The following NLGN1 variants were observed in gnomAD, a reference collection of about 807,000 sequenced individuals.
NLGN1 encodes neuroligin 1, also known as neuroligin-1.
A neutral mutation model predicts 65.5 loss-of-function variants in NLGN1; 12 were observed. The ratio of observed to expected loss-of-function variants is 0.18; its 90% CI spans 0.12 to 0.30. NLGN1 has a LOEUF of 0.30. Among genes scored for constraint, NLGN1 ranks in the 10% least tolerant of loss-of-function variants. The pLI is 1.00. For missense variants in NLGN1, 750 were observed against 1,007.1 expected, an observed-to-expected ratio of 0.74 and a Z score of 3.46; for synonymous variants, 350 against 359.5, an observed-to-expected ratio of 0.97 and a Z score of 0.30.
chr3:173,491,706 A>G (rs375375853), intron 2 of NLGN1, among the ~76,000 whole-genome samples: 1 of 151,708 alleles, frequency 6.6e-6, no homozygotes, highest in Non-Finnish European at 1.5e-5. Flanking sequence ...TATCCGCCAT[A>G]CATTTATGAC....
chr3:174,183,395 A>C (rs1730807420), intron 4 of NLGN1, among the ~76,000 whole-genome samples: 1 of 152,254 alleles, frequency 6.6e-6, no homozygotes, highest in South Asian at 2.1e-4. Flanking sequence ...CCTTCTACCC[A>C]TATTCAAGAT....
chr3:173,520,703 A>G (rs1485843828), intron 2 of NLGN1, among the ~76,000 whole-genome samples: 1 of 152,232 alleles, frequency 6.6e-6, no homozygotes, highest in African/African-American at 2.4e-5. Context: ...GGAGACTAAA[A>G]ACTTAGTTTT....
chr3:174,039,346 G>T (rs977364569), intron 4 of NLGN1, among the ~76,000 whole-genome samples: 1 of 151,968 alleles, frequency 6.6e-6, no homozygotes, highest in African/African-American at 2.4e-5. Context: ...ATGGTGGTTT[G>T]CTGCACCTCT....
chr3:173,910,484 A>G (rs1380971098), intron 4 of NLGN1: 1 of 152,180 alleles, frequency 6.6e-6, no homozygotes, highest in African/African-American at 2.4e-5. Context: ...ATTTTGCTTT[A>G]CAGTGATTCT....
intron 2 of NLGN1, among the ~76,000 whole-genome samples, chr3:173,461,681 T>TG (rs1390806294): frequency 6.8e-6 from 1 of 146,822 alleles, no homozygotes; most frequent in African/African-American, 2.5e-5. Context: ...TATTGAATCA[T>TG]GTCCGGTTAC....
chr3:174,147,360 A>G (rs868657748), intron 4 of NLGN1, among the ~76,000 whole-genome samples: 60 of 144,352 alleles, frequency 4.2e-4, no homozygotes, highest in Admixed American at 1.4e-3. Context: ...CATTGTTGCC[A>G]GTGCTTCTGA....
rs568960310 is a variant in NLGN1, at chr3:173,484,830, G to C, written c.-321+49752G>C. Among the ~76,000 whole-genome samples, 85 of 152,242 alleles carry C rather than the reference G, an allele frequency of 5.6e-4. 2 individuals are homozygous for C. Among genetic ancestry groups the C allele is most frequent in the Non-Finnish European group, 5.6e-4 (38 of 68,016 alleles). On this transcript the variant is annotated intron_variant, in intron 2 of 6. Coordinates refer to ENST00000457714, the Ensembl canonical transcript of NLGN1. Reference sequence around the variant, plus strand: ...GGAACAGTGATAGTGATAGAGGAGTGACATGTGATGCTTTTGTTTCTTAGG... The same window carrying C: ...GGAACAGTGATAGTGATAGAGGAGTCACATGTGATGCTTTTGTTTCTTAGG...
chr3:173,710,422 G>A (rs1222801652), intron 3 of NLGN1, among the ~76,000 whole-genome samples: 1 of 152,060 alleles, frequency 6.6e-6, no homozygotes, highest in Non-Finnish European at 1.5e-5. Flanking sequence ...GTCTTGCATA[G>A]TCTAATTTTT....
intron 4 of NLGN1, among the ~76,000 whole-genome samples, chr3:173,927,602 G>A (rs1339324631): frequency 1.3e-5 from 2 of 152,186 alleles, no homozygotes; most frequent in East Asian, 3.9e-4. Flanking sequence ...AAGATGGGGA[G>A]TAAAGTTAGA....
chr3:173,891,147 A>C (rs1735254796), intron 4 of NLGN1, among the ~76,000 whole-genome samples: 1 of 152,216 alleles, frequency 6.6e-6, no homozygotes, highest in Non-Finnish European at 1.5e-5. Context: ...TACAACATAG[A>C]GATGTCATAC....
chr3:174,187,207 G>A (rs1292102001), intron 4 of NLGN1, among the ~76,000 whole-genome samples: 1 of 151,714 alleles, frequency 6.6e-6, no homozygotes, highest in East Asian at 1.9e-4. Context: ...CTCAGATATG[G>A]GGGTCCTACT....
At chr3:174,223,637 A>G (rs555965762) in intron 4 of NLGN1, among the ~76,000 whole-genome samples, 4 of 152,220 alleles carry the variant, frequency 2.6e-5, no homozygotes, top group Non-Finnish European at 4.4e-5. Context: ...TCCTAGATCC[A>G]GAATAACAAC....
At chr3:173,572,282 G>A (rs575560817) in intron 2 of NLGN1, among the ~76,000 whole-genome samples, 17 of 152,284 alleles carry the variant, frequency 1.1e-4, no homozygotes, top group African/African-American at 3.9e-4. Context: ...CCCTCCCAAG[G>A]GATCCAAGGG....
At chr3:173,539,760 C>T (rs376281840) in intron 2 of NLGN1, among the ~76,000 whole-genome samples, 6 of 72,996 alleles carry the variant, frequency 8.2e-5, no homozygotes, top group South Asian at 8.4e-4. Flanking sequence ...ATAACATATA[C>T]ATGTACATAT....
At chr3:173,641,027 G>A (rs528368060) in intron 3 of NLGN1, among the ~76,000 whole-genome samples, 1 of 152,050 alleles carries the variant, frequency 6.6e-6, no homozygotes, top group African/African-American at 2.4e-5. Context: ...TCAAACTATG[G>A]AGTGATATTT....
At chr3:173,493,554 C>G (rs1729519008) in intron 2 of NLGN1, among the ~76,000 whole-genome samples, 1 of 151,644 alleles carries the variant, frequency 6.6e-6, no homozygotes, top group Non-Finnish European at 1.5e-5. Context: ...TAGTGTTTAC[C>G]ATGTGCTGGG....
chr3:173,556,103 A>G lies in NLGN1; in HGVS notation c.-320-48176A>G, dbSNP rs376405699. ...TCACCTAACGTCCCTACTATTTACA[A>G]ATTTTATTTCTATGATCTAAAAGAT... On this transcript the variant is annotated intron_variant, in intron 2 of 6. Transcript: ENST00000457714. 1.1e-4 allele frequency among the ~76,000 whole-genome samples: 17 copies of G among 152,234 alleles called. 1 individual carries two copies. Among genetic ancestry groups the G allele is most frequent in the Admixed American group, 2.0e-4 (3 of 15,286 alleles).
intron 4 of NLGN1, among the ~76,000 whole-genome samples, chr3:173,998,890 T>A (rs1168766026): frequency 2.0e-5 from 3 of 152,188 alleles, no homozygotes; most frequent in Admixed American, 2.0e-4. Context: ...TGCCATCACT[T>A]GGGTCTGAAA....
At chr3:174,290,166 G>C (rs1752601814), downstream of NLGN1, among the ~76,000 whole-genome samples, 1 of 150,442 alleles carries the variant, frequency 6.6e-6, no homozygotes, top group Non-Finnish European at 1.5e-5. Flanking sequence ...GTAAGGGTCA[G>C]GAATAGCCAA....
Sources: gnomAD v4.1 joint callset for allele counts (sites outside exome capture counted in the v4.1 genomes callset) on GRCh38, gnomAD v4.1.1 for gene constraint, MANE v1.5 for transcripts, NCBI Gene and HGNC (gene_info 2026-07-23, HGNC 2026-07-21) for gene names.